The following CACNA1B variants were observed in gnomAD, a reference collection of about 807,000 sequenced individuals.
CACNA1B encodes the protein voltage-dependent N-type calcium channel subunit alpha-1B.
In CACNA1B, 70 loss-of-function variants were observed where a neutral mutation model predicts 247.2. The observed-to-expected ratio is 0.28, with a 90% CI of 0.23 to 0.35. CACNA1B has a LOEUF of 0.35. Ranked by LOEUF, CACNA1B falls within the 10% of genes least tolerant of loss-of-function variation. The probability of loss-of-function intolerance (pLI) is 1.00; values close to 1 mark genes in which losing one functional copy is unlikely to be tolerated. For synonymous variants in CACNA1B, 1,231 were observed against 1,294.4 expected, an observed-to-expected ratio of 0.95 and a Z score of 1.05; for missense variants, 2,367 against 3,197.4, an observed-to-expected ratio of 0.74 and a Z score of 6.26.
chr9:138,085,491 C>T lies in CACNA1B; in HGVS notation c.5094+7233C>T, dbSNP rs114045230. Among the ~76,000 whole-genome samples, 1,161 of 151,180 alleles carry T rather than the reference C, an allele frequency of 7.7e-3. 68 individuals are homozygous for T. Among genetic ancestry groups the T allele is most frequent in the African/African-American group, 0.027 (1,098 of 40,920 alleles). ...AATAAAGTAATAGCTGGAAAATTCC[C>T]AAGTCTGGGGAGAGATGTGGACATC... is the stretch of plus-strand genomic sequence containing the variant. On this transcript the variant is annotated intron_variant, in intron 36 of 46. Coordinates refer to ENST00000371372, the MANE Select transcript of CACNA1B (RefSeq NM_000718.4).
chr9:138,038,371 T>C (rs1959072970), intron 20 of CACNA1B, among the ~76,000 whole-genome samples: 1 of 152,236 alleles, frequency 6.6e-6, no homozygotes, highest in Non-Finnish European at 1.5e-5. Context: ...GAATTGCTCA[T>C]TTCTCCAAGA....
chr9:138,085,845 C>G (rs907010130), intron 36 of CACNA1B, among the ~76,000 whole-genome samples: 2 of 151,226 alleles, frequency 1.3e-5, no homozygotes, highest in African/African-American at 4.9e-5. Flanking sequence ...CCCAGACAAG[C>G]AAGAAGTGAG....
intron 36 of CACNA1B, among the ~76,000 whole-genome samples, chr9:138,096,058 T>TG (rs1410463414): frequency 6.6e-6 from 1 of 152,198 alleles, no homozygotes; most frequent in Non-Finnish European, 1.5e-5. Context: ...ATACACTAAA[T>TG]GCCCCTGAAC....
At chr9:138,075,635 C>T (rs749917161) in intron 34 of CACNA1B, among the ~76,000 whole-genome samples, 184 bp from the exon 35 acceptor site, 20 of 152,196 alleles carry the variant, frequency 1.3e-4, no homozygotes, top group Non-Finnish European at 2.8e-4. Context: ...TGTGTAGCTA[C>T]GGAGAGGGCG....
chr9:137,912,077 T>C (rs1957365529), intron 3 of CACNA1B, among the ~76,000 whole-genome samples: 1 of 152,238 alleles, frequency 6.6e-6, no homozygotes, highest in African/African-American at 2.4e-5. Context: ...AAAAAAATAA[T>C]TCTTTAGTTG....
chr9:138,055,049 A>G (rs1455417684), intron 26 of CACNA1B, among the ~76,000 whole-genome samples: 3 of 152,094 alleles, frequency 2.0e-5, no homozygotes, highest in Admixed American at 6.6e-5. Context: ...TATGGATCGC[A>G]GACGTCTTCT....
At chr9:138,079,883 A>C (rs1228754054) in intron 36 of CACNA1B, among the ~76,000 whole-genome samples, 1 of 152,138 alleles carries the variant, frequency 6.6e-6, no homozygotes, top group African/African-American at 2.4e-5. Context: ...TCAAAAAAAA[A>C]AAAAAAAAAT....
At chr9:137,978,105 G>A (rs994610593) in intron 12 of CACNA1B, among the ~76,000 whole-genome samples, 5 of 135,116 alleles carry the variant, frequency 3.7e-5, no homozygotes, top group African/African-American at 1.1e-4. Context: ...AGGAAGGAGT[G>A]ATGGGAGCAC....
Position 138,121,004 on chromosome 9 carries a change from A to C in CACNA1B, c.6489+123A>C. 1 of 1,162,406 alleles carries C rather than the reference A, an allele frequency of 8.6e-7. No homozygotes were observed. Among genetic ancestry groups the C allele is most frequent in the Non-Finnish European group, 1.2e-6 (1 of 839,332 alleles). 72.0% of individuals were successfully genotyped at this position (1,162,406 alleles called of 1,614,324 possible). ...TGCCCTTTGTCATTCCCAGCAACCC[A>C]AGGGCCGGGCGCTCCCCTCTGTGCC... On this transcript the variant is annotated intron_variant, in intron 46 of 46. Transcript: ENST00000371372. The surrounding 1 kb of genome is among the most constrained non-coding windows in gnomAD (Gnocchi z 6.8).
intron 18 of CACNA1B, 133 bp from the exon 19 acceptor site, chr9:138,022,878 T>C: frequency 9.4e-7 from 1 of 1,063,888 alleles, no homozygotes; most frequent in Non-Finnish European, 1.2e-6. Flanking sequence ...CCCCGAGGGG[T>C]GTGGGGGCTC....
intron 38 of CACNA1B, among the ~76,000 whole-genome samples, chr9:138,103,424 T>C (rs1250288630): frequency 3.9e-5 from 6 of 152,128 alleles, no homozygotes; most frequent in African/African-American, 1.2e-4. Flanking sequence ...CATCTTGCTA[T>C]TATTCCTGGG....
chr9:138,063,310 C>T (rs983886606), intron 31 of CACNA1B, among the ~76,000 whole-genome samples: 2 of 152,152 alleles, frequency 1.3e-5, no homozygotes, highest in Admixed American at 6.5e-5. Context: ...CTAGGCAAGA[C>T]GGCGAGACCC....
At chr9:138,023,861 G>C (rs1452912236) in intron 19 of CACNA1B, 50 bp downstream of exon 19, 1 of 938,842 alleles carries the variant, frequency 1.1e-6, no homozygotes, top group East Asian at 2.7e-5. Flanking sequence ...GGCCGGGGCG[G>C]CGCGGGCCCC....
At chr9:137,994,196 C>T (rs1189610583) in intron 15 of CACNA1B, among the ~76,000 whole-genome samples, 1 of 152,128 alleles carries the variant, frequency 6.6e-6, no homozygotes, top group African/African-American at 2.4e-5. Flanking sequence ...CGAGACATAC[C>T]TTAATGTAAT....
chr9:138,052,340 C>A lies in CACNA1B; in HGVS notation c.3807+152C>A, dbSNP rs530538914. Among the ~76,000 whole-genome samples the A allele has an allele frequency of 2.0e-5, 3 of 152,220 alleles. No individual in the cohort carries two copies. In the South Asian group the frequency reaches 6.2e-4, roughly 32 times the overall value. ...GGGGTTGGGCTCACTCAGCTGTAAG[C>A]CCCCATTACCCAAGTAGACCTTGTT... On this transcript the variant is annotated intron_variant, in intron 25 of 46. Transcript: ENST00000371372. The surrounding 1 kb of genome is among the most constrained non-coding windows in gnomAD (Gnocchi z 5.1).
Position 138,052,051 on chromosome 9 carries a change from A to T in CACNA1B, c.3711-41A>T, listed in dbSNP as rs201520294. ...GGCCACGTGGGAGCTGGGCACACCC[A>T]TGCCTCCTGCCTGTCTGCATCTGTG... On this transcript the variant is annotated intron_variant, in intron 24 of 46. Transcript: ENST00000371372. This position sits in a 1 kb window ranked among gnomAD's most constrained non-coding sequence, Gnocchi z 5.1. 99 of 1,213,714 alleles carry T rather than the reference A, an allele frequency of 8.2e-5. No homozygotes were observed. The highest frequency in any genetic ancestry group is 1.1e-4 in the Non-Finnish European group (89 of 823,072). 75.2% of individuals were successfully genotyped at this position (1,213,714 alleles called of 1,614,324 possible). A position where few individuals can be genotyped will look rare whatever the true frequency, so the allele number is the denominator to read the frequency against.
At chr9:137,970,435 C>T (rs1366853753) in intron 10 of CACNA1B, among the ~76,000 whole-genome samples, 2 of 152,172 alleles carry the variant, frequency 1.3e-5, no homozygotes, top group Admixed American at 1.3e-4. Flanking sequence ...AAGCATTGAT[C>T]AAGCCCCTCT....
chr9:137,986,638 C>A lies in CACNA1B; in HGVS notation c.1901+94C>A. 6.6e-7 allele frequency: 1 copy of A among 1,522,370 alleles called. No individual in the cohort carries two copies. The highest frequency in any genetic ancestry group is 9.1e-7 in the Non-Finnish European group (1 of 1,101,172). The allele number at this position is 1,522,370 out of a possible 1,614,324, so 94.3% of individuals were successfully genotyped here. ...TGCCGCCCAGGCTGCCTCCACCCAC[C>A]TTCCCACCAGGAAGGTCCTCAGAGG... On this transcript the variant is annotated intron_variant, in intron 14 of 46. Transcript: ENST00000371372. This position sits in a 1 kb window ranked among gnomAD's most constrained non-coding sequence, Gnocchi z 6.0.
chr9:137,981,633 C>T (rs147011954), intron 12 of CACNA1B, among the ~76,000 whole-genome samples: 3 of 152,270 alleles, frequency 2.0e-5, no homozygotes, highest in African/African-American at 7.2e-5. Flanking sequence ...CCCACCAACA[C>T]GTCCAGCTAA....
Sources: allele counts gnomAD v4.1 joint callset (sites outside exome capture counted in the v4.1 genomes callset), GRCh38; gene constraint gnomAD v4.1.1; non-coding constraint Gnocchi (gnomAD v3.1); transcripts MANE v1.5; gene names NCBI Gene and HGNC (gene_info 2026-07-23, HGNC 2026-07-21).